The following KIF1C variants were observed in gnomAD, a reference collection of about 807,000 sequenced individuals.
The protein encoded by KIF1C is kinesin family member 1C.
In KIF1C, 61 loss-of-function variants were observed where a neutral mutation model predicts 126.5. The ratio of observed to expected loss-of-function variants is 0.48; its 90% CI spans 0.39 to 0.60. The LOEUF is 0.60. KIF1C is among the 20% of genes least tolerant of loss of function. The pLI, the probability that KIF1C is intolerant of heterozygous loss-of-function variation, is 0.00. For missense variants in KIF1C, 1,315 were observed against 1,489.2 expected, an observed-to-expected ratio of 0.88 and a Z score of 1.93; for synonymous variants, 640 against 580.6, an observed-to-expected ratio of 1.10 and a Z score of -1.47.
intron 8 of KIF1C, 84 bp from the exon 9 acceptor site, chr17:5,003,528 C>T: frequency 1.1e-6 from 1 of 950,128 alleles, no homozygotes; most frequent in Non-Finnish European, 1.6e-6. Flanking sequence ...GCCAGCTGCC[C>T]ACATTCCTGC....
chr17:5,002,891 G>A lies in KIF1C; in HGVS notation c.720+49G>A, dbSNP rs779244892. 1.0e-5 allele frequency: 15 copies of A among 1,429,112 alleles called. No individual in the cohort carries two copies. The South Asian group carries it at 1.7e-4, about 16-fold the overall frequency. 88.5% of individuals were successfully genotyped at this position (1,429,112 alleles called of 1,614,324 possible). A position where few individuals can be genotyped will look rare whatever the true frequency, so the allele number is the denominator to read the frequency against. On this transcript the variant is annotated intron_variant, in intron 8 of 22. Coordinates refer to ENST00000320785, the MANE Select transcript of KIF1C (RefSeq NM_006612.6). Reference sequence around the variant, plus strand: ...CCCCCACCGGATGCAACCTCCCCTGGCAACAGGGACAGTGACATGGTAGAA... The same window carrying A: ...CCCCCACCGGATGCAACCTCCCCTGACAACAGGGACAGTGACATGGTAGAA...
In KIF1C at chr17:5,004,054, G is replaced by T; in HGVS notation, c.921G>T (p.Trp307Cys). The change falls in exon 11 of 23, where the codon TGG becomes TGT. Residue 307 changes from tryptophan to cysteine, a missense_variant. Coordinates refer to ENST00000320785, the MANE Select transcript of KIF1C (RefSeq NM_006612.6). The stretch of plus-strand genomic sequence containing the variant: ...CCTACAGGGACTCTGTGCTCACCTG[G>T]CTGCTCAAGGAAAATTTGGGTGAGG... The part of the protein sequence containing the change: ...FIPYRDSVLT[W>C]LLKENLGGNS... 6.2e-7 allele frequency: 1 copy of T among 1,613,802 alleles called. No individual in the cohort carries two copies. Among genetic ancestry groups the T allele is most frequent in the Non-Finnish European group, 8.5e-7 (1 of 1,179,852 alleles).
intron 17 of KIF1C, 89 bp downstream of exon 17, chr17:5,013,821 G>A (rs996596007): frequency 5.1e-5 from 48 of 947,440 alleles, no homozygotes; most frequent in Middle Eastern, 2.2e-4. Flanking sequence ...CCCTTCCCTG[G>A]TGGTCCCTGG....
chr17:5,003,550 C>T (rs1974654504), intron 8 of KIF1C, 62 bp from the exon 9 acceptor site: 2 of 1,237,958 alleles, frequency 1.6e-6, no homozygotes, highest in African/African-American at 3.0e-5. Flanking sequence ...GGGTGCTTCC[C>T]TGATTTCCCT....
At chr17:5,018,982 G>A (rs1039975866) in intron 18 of KIF1C, among the ~76,000 whole-genome samples, 6 of 152,018 alleles carry the variant, frequency 3.9e-5, no homozygotes, top group South Asian at 2.1e-4. Context: ...CCCGCATCCC[G>A]TCCTGCTGTC....
Position 5,024,096 on chromosome 17 carries a change from G to A in KIF1C, c.3257G>A (p.Arg1086Gln), listed in dbSNP as rs139942468. 4.1e-5 allele frequency: 66 copies of A among 1,608,388 alleles called. No homozygotes were observed. The highest frequency in any genetic ancestry group is 5.4e-5 in the Non-Finnish European group (64 of 1,177,552). The change falls in exon 23 of 23, where the codon CGA becomes CAA. Residue 1086 changes from arginine to glutamine, a missense_variant. Arg to Gln is a conservative substitution (Grantham distance 43). This residue lies in a region of KIF1C where 441 missense variants were observed against 436.1 expected (regional missense o/e 1.01). Coordinates refer to ENST00000320785, the MANE Select transcript of KIF1C (RefSeq NM_006612.6). ...PRYPPYTTPPRMRRQRSAPDL... is the reference protein window; with the variant it reads ...PRYPPYTTPPQMRRQRSAPDL... ...TACCCCCCATACACTACTCCCCCAC[G>A]AATGAGACGGCAGCGTTCTGCCCCT...
chr17:5,023,336 G>C lies in KIF1C; in HGVS notation c.2629-132G>C. 1.3e-6 allele frequency: 1 copy of C among 741,506 alleles called. No individual in the cohort carries two copies. Among genetic ancestry groups the C allele is most frequent in the Non-Finnish European group, 2.2e-6 (1 of 451,486 alleles). 45.9% of individuals were successfully genotyped at this position (741,506 alleles called of 1,614,324 possible). On this transcript the variant is annotated intron_variant, in intron 22 of 22. Transcript: ENST00000320785. The surrounding 1 kb of genome is among the most constrained non-coding windows in gnomAD (Gnocchi z 4.2). Reference sequence around the variant, plus strand: ...GCCCGGCCCTAAACCACTATTTTTCGAGCTTCCTTATCTCTAGGCTTTTCT... The same window carrying C: ...GCCCGGCCCTAAACCACTATTTTTCCAGCTTCCTTATCTCTAGGCTTTTCT...
intron 16 of KIF1C, among the ~76,000 whole-genome samples, chr17:5,011,157 C>T (rs1239903822): frequency 6.6e-6 from 1 of 152,162 alleles, no homozygotes; most frequent in African/African-American, 2.4e-5. Flanking sequence ...ATGAACTCTT[C>T]TCATGTTTAA....
intron 11 of KIF1C, 109 bp from the exon 12 acceptor site, chr17:5,004,458 A>G: frequency 2.0e-6 from 2 of 988,444 alleles, no homozygotes; most frequent in Non-Finnish European, 3.2e-6. Flanking sequence ...ACCTCAGACC[A>G]TGACCCTGTA....
At position 5,022,569 on chromosome 17, in the gene KIF1C, G is replaced by T; in HGVS notation, c.2488G>T (p.Val830Leu). Residue 830 changes from valine to leucine, a missense_variant, in exon 22 of 23, where the codon GTG (valine) becomes TTG (leucine). By Grantham distance (32) the Val-to-Leu change is conservative (BLOSUM62 1). Coordinates refer to ENST00000320785, the MANE Select transcript of KIF1C (RefSeq NM_006612.6). The surrounding 1 kb of genome is among the most constrained non-coding windows in gnomAD (Gnocchi z 4.9). ...GSEEGARGAE[V>L]EDLRAHIDKL... ...TGAGGAGGGAGCCCGAGGGGCGGAG[G>T]TGGAGGACCTCCGGGCCCACATCGA... 1 of 1,597,844 alleles carries T rather than the reference G, an allele frequency of 6.3e-7. No homozygotes were observed. The highest frequency in any genetic ancestry group is 2.3e-5 in the East Asian group (1 of 44,226).
chr17:5,003,462 G>A (rs978610207), intron 8 of KIF1C, 150 bp from the exon 9 acceptor site: 16 of 603,104 alleles, frequency 2.7e-5, no homozygotes, highest in African/African-American at 7.4e-5. Context: ...CTGTTGTCAC[G>A]TATTCTGTTT....
intron 16 of KIF1C, among the ~76,000 whole-genome samples, chr17:5,010,487 G>A (rs996855193): frequency 1.3e-5 from 2 of 152,020 alleles, no homozygotes; most frequent in Non-Finnish European, 1.5e-5. Flanking sequence ...GGTGGCTCAC[G>A]CCTGTAATCC....
At chr17:5,001,937 C>T (rs1974604314) in intron 5 of KIF1C, 122 bp from the exon 6 acceptor site, 2 of 839,358 alleles carry the variant, frequency 2.4e-6, no homozygotes, top group Non-Finnish European at 4.0e-6. Flanking sequence ...GGAATAACCC[C>T]TCCCTCAAGG....
Position 5,020,661 on chromosome 17 carries a change from G to A in KIF1C, c.1920G>A (p.Lys640=). 4.3e-6 allele frequency: 7 copies of A among 1,613,970 alleles called. No individual in the cohort carries two copies. Among genetic ancestry groups the A allele is most frequent in the Non-Finnish European group, 5.9e-6 (7 of 1,179,870 alleles). Residue 640 remains lysine (K), a synonymous_variant, in exon 20 of 23, where the codon AAG becomes AAA. Coordinates refer to ENST00000320785, the MANE Select transcript of KIF1C (RefSeq NM_006612.6). The surrounding 1 kb of genome is among the most constrained non-coding windows in gnomAD (Gnocchi z 5.8). ...ELLEQQGIDI[K]LEMEKRLQDL... is the part of the protein sequence containing the mutation. ...TGGAGCAGCAAGGCATCGACATAAA[G>A]CTGGAAATGGAGAAGAGGTGCGAGG...
intron 4 of KIF1C, 79 bp downstream of exon 4, chr17:5,000,927 A>C (rs1974573922): frequency 3.6e-6 from 5 of 1,384,484 alleles, no homozygotes; most frequent in Non-Finnish European, 5.1e-6. Context: ...ATGTTAAGAA[A>C]TAGGACCCCC....
chr17:5,000,990 A>C, intron 4 of KIF1C, 142 bp downstream of exon 4: 1 of 962,018 alleles, frequency 1.0e-6, no homozygotes, highest in Middle Eastern at 2.5e-4. Flanking sequence ...GGGTGGTAGG[A>C]CCCTTAGGCT....
chr17:5,013,420 G>A (rs1287844208), intron 16 of KIF1C, among the ~76,000 whole-genome samples: 2 of 152,080 alleles, frequency 1.3e-5, no homozygotes, highest in Admixed American at 1.3e-4. Flanking sequence ...GTGAGGAGAG[G>A]GTGGATCAGG....
Position 5,023,441 on chromosome 17 carries a change from T to A in KIF1C, c.2629-27T>A. 6.3e-7 allele frequency: 1 copy of A among 1,598,760 alleles called. No individual in the cohort carries two copies. Among genetic ancestry groups the A allele is most frequent in the Non-Finnish European group, 8.6e-7 (1 of 1,167,882 alleles). ...AGGATTCAGCTCTCCTCACATCCCT[T>A]CTCCTTTTCTCACTCCTCCCTCCCA... On this transcript the variant is annotated intron_variant, in intron 22 of 22. Transcript: ENST00000320785. The surrounding 1 kb of genome is among the most constrained non-coding windows in gnomAD (Gnocchi z 4.2).
chr17:5,001,996 G>A, intron 5 of KIF1C, 63 bp from the exon 6 acceptor site: 1 of 1,482,274 alleles, frequency 6.7e-7, no homozygotes, highest in East Asian at 2.3e-5. Flanking sequence ...CTGGCCTGTG[G>A]CTGGACACTT....
Sources: allele counts gnomAD v4.1 joint callset (sites outside exome capture counted in the v4.1 genomes callset), GRCh38; gene constraint gnomAD v4.1.1; regional missense constraint gnomAD v4.1.1; non-coding constraint Gnocchi (gnomAD v3.1); transcripts MANE v1.5; gene names NCBI Gene and HGNC (gene_info 2026-07-23, HGNC 2026-07-21).